The following TP53BP1 variants were observed in gnomAD, a reference collection of about 807,000 sequenced individuals.
TP53BP1 encodes the protein tumor protein p53 binding protein 1, also known as TP53-binding protein 1.
In TP53BP1, 61 loss-of-function variants were observed where a neutral mutation model predicts 200.8. That is an observed-to-expected ratio of 0.30 (90% CI 0.25 to 0.38). The LOEUF (loss-of-function observed/expected upper bound fraction) is 0.38. Ranked by LOEUF, TP53BP1 falls within the 10% of genes least tolerant of loss-of-function variation. TP53BP1 has a pLI of 1.00. For missense variants in TP53BP1, 2,144 were observed against 2,371.9 expected (o/e 0.90, Z 2.00); for synonymous variants, 822 against 844.3 (o/e 0.97, Z 0.46).
intron 1 of TP53BP1, among the ~76,000 whole-genome samples, chr15:43,501,236 C>T (rs1460117501): frequency 6.7e-6 from 1 of 149,954 alleles, no homozygotes; most frequent in Non-Finnish European, 1.5e-5. Context: ...GGGTCTTGCT[C>T]TGTGGCCGAG....
At chr15:43,426,706 G>C (rs1308577576) in intron 18 of TP53BP1, among the ~76,000 whole-genome samples, 1 of 151,694 alleles carries the variant, frequency 6.6e-6, no homozygotes, top group Non-Finnish European at 1.5e-5. Flanking sequence ...AAGTATCTGG[G>C]TAAAGGAAGA....
chr15:43,454,882 C>G (rs928206237), intron 12 of TP53BP1, among the ~76,000 whole-genome samples: 1 of 152,106 alleles, frequency 6.6e-6, no homozygotes, highest in African/African-American at 2.4e-5. Context: ...CTGGTACACA[C>G]GACACACCTG....
intron 16 of TP53BP1, among the ~76,000 whole-genome samples, chr15:43,436,595 C>T (rs1304458240): frequency 6.6e-6 from 1 of 151,858 alleles, no homozygotes; most frequent in Non-Finnish European, 1.5e-5. Flanking sequence ...CCACTTCAGT[C>T]TTCCAAGTAG....
chr15:43,428,680 C>A (rs1021194277), intron 17 of TP53BP1, among the ~76,000 whole-genome samples: 15 of 152,132 alleles, frequency 9.9e-5, no homozygotes, highest in African/African-American at 3.6e-4. Context: ...ACAATATACA[C>A]TGATCTCTCC....
chr15:43,403,371 C>G lies in TP53BP1; in HGVS notation c.*4012G>C, dbSNP rs1366026814. The G allele has an allele frequency of 4.7e-6, 1 of 212,166 alleles. No individual in the cohort carries two copies. The highest frequency in any genetic ancestry group is 9.4e-6 in the Non-Finnish European group (1 of 106,358). 13.1% of individuals were successfully genotyped at this position (212,166 alleles called of 1,614,324 possible). ...ACAAGAGCATCCCGGGCAAAGGGAA[C>G]AACACTCACAGCTCAGAGGCAGGAA... On this transcript the variant is annotated 3_prime_UTR_variant, in exon 28 of 28. Transcript: ENST00000382044.
chr15:43,469,754 T>G, intron 11 of TP53BP1, 104 bp downstream of exon 11: 1 of 982,246 alleles, frequency 1.0e-6, no homozygotes, highest in Non-Finnish European at 1.5e-6. Context: ...TATCACAAAA[T>G]TATACATTTA....
chr15:43,443,644 G>A (rs942941423), intron 14 of TP53BP1, among the ~76,000 whole-genome samples: 1 of 152,166 alleles, frequency 6.6e-6, no homozygotes, highest in African/African-American at 2.4e-5. Flanking sequence ...GCAGTGAGCT[G>A]AGATCACCCC....
chr15:43,428,627 G>GT (rs2045603867), intron 17 of TP53BP1, among the ~76,000 whole-genome samples: 2 of 152,098 alleles, frequency 1.3e-5, no homozygotes, highest in Non-Finnish European at 2.9e-5. Context: ...CAGTTTATCT[G>GT]TTTTTCCTGT....
chr15:43,507,876 G>T (rs955306450), intron 1 of TP53BP1, among the ~76,000 whole-genome samples: 1 of 151,052 alleles, frequency 6.6e-6, no homozygotes, highest in Non-Finnish European at 1.5e-5. Context: ...CACCACACCC[G>T]GCTAATTTTT....
At chr15:43,417,721 A>G (rs1174127595) in intron 21 of TP53BP1, among the ~76,000 whole-genome samples, 1 of 152,244 alleles carries the variant, frequency 6.6e-6, no homozygotes, top group Non-Finnish European at 1.5e-5. Context: ...GAGTCACAAT[A>G]AAAGACCCCA....
upstream of TP53BP1, among the ~76,000 whole-genome samples, chr15:43,494,235 A>AGG (rs2079165593): frequency 6.6e-6 from 1 of 152,118 alleles, no homozygotes; most frequent in Non-Finnish European, 1.5e-5. Flanking sequence ...TTCTCTTTCT[A>AGG]CCCCAGGCTC....
upstream of TP53BP1, chr15:43,493,245 G>A: frequency 6.9e-7 from 1 of 1,445,710 alleles, no homozygotes; most frequent in Non-Finnish European, 9.1e-7. Flanking sequence ...ATAGGTAGCT[G>A]CGGCAGAGTG....
chr15:43,425,987 C>G (rs1361877504), intron 18 of TP53BP1, among the ~76,000 whole-genome samples: 1 of 150,446 alleles, frequency 6.6e-6, no homozygotes, highest in Non-Finnish European at 1.5e-5. Context: ...ATGGCGTGAA[C>G]CCAGGAGGCG....
At position 43,416,498 on chromosome 15, in the gene TP53BP1, C is replaced by T. The variant is rs368140035; in HGVS notation, c.4682-82G>A. Reference sequence around the variant, plus strand: ...TCTCACAAGGGCTCTGTAAAGCAGGCCTGAGTTAGGGAATTTAGAGATCCA... The same window carrying T: ...TCTCACAAGGGCTCTGTAAAGCAGGTCTGAGTTAGGGAATTTAGAGATCCA... On this transcript the variant is annotated intron_variant, in intron 21 of 27. Coordinates refer to ENST00000382044, the MANE Select transcript of TP53BP1 (RefSeq NM_001141980.3). 74 of 1,376,940 alleles carry T rather than the reference C, an allele frequency of 5.4e-5. No homozygotes were observed. The South Asian group carries it at 6.2e-4, about 12-fold the overall frequency. The allele number at this position is 1,376,940 out of a possible 1,614,324, so 85.3% of individuals were successfully genotyped here.
chr15:43,438,225 T>C (rs893794322), intron 16 of TP53BP1, 99 bp downstream of exon 16: 8 of 994,000 alleles, frequency 8.0e-6, no homozygotes, highest in Admixed American at 7.1e-5. Flanking sequence ...TTCCAACACA[T>C]GCCACATTCA....
chr15:43,465,927 T>C (rs2046567793), intron 11 of TP53BP1, among the ~76,000 whole-genome samples: 1 of 152,146 alleles, frequency 6.6e-6, no homozygotes, highest in South Asian at 2.1e-4. Context: ...AGTGCTAAGA[T>C]TACAGGCATG....
chr15:43,485,024 A>G (rs1159938743), intron 4 of TP53BP1, among the ~76,000 whole-genome samples: 1 of 152,096 alleles, frequency 6.6e-6, no homozygotes, highest in Non-Finnish European at 1.5e-5. Flanking sequence ...ATTTTTAATC[A>G]AATGTCCTAT....
chr15:43,444,388 C>T lies in TP53BP1; in HGVS notation c.3040+1999G>A, dbSNP rs547958138. On this transcript the variant is annotated intron_variant, in intron 14 of 27. Coordinates refer to ENST00000382044, the MANE Select transcript of TP53BP1 (RefSeq NM_001141980.3). The stretch of plus-strand genomic sequence containing the variant: ...TCTGGCATTGCTGGGATTATAGAAG[C>T]GCACCAACCACCATGCCTGGCAATA... Among the ~76,000 whole-genome samples, 21 of 152,258 alleles carry T rather than the reference C, an allele frequency of 1.4e-4. 1 individual carries two copies. In the South Asian group the frequency reaches 3.9e-3, roughly 29 times the overall value.
At chr15:43,452,400 T>C (rs1344854375) in intron 12 of TP53BP1, among the ~76,000 whole-genome samples, 2 of 151,928 alleles carry the variant, frequency 1.3e-5, no homozygotes, top group Non-Finnish European at 2.9e-5. Context: ...ACCCTGTCTC[T>C]ACAAAAAATC....
Sources: gnomAD v4.1 joint callset for allele counts (sites outside exome capture counted in the v4.1 genomes callset) on GRCh38, gnomAD v4.1.1 for gene constraint, MANE v1.5 for transcripts, NCBI Gene and HGNC (gene_info 2026-07-23, HGNC 2026-07-21) for gene names.